The following GALNT16 variants were observed in gnomAD, a reference collection of about 807,000 sequenced individuals.
GALNT16 encodes polypeptide N-acetylgalactosaminyltransferase 16.
Under a neutral mutation model 76.1 loss-of-function variants are expected in GALNT16, and 40 were observed. The observed-to-expected ratio is 0.53, with a 90% CI of 0.41 to 0.68. The LOEUF is 0.68. Among genes scored for constraint, GALNT16 ranks in the 30% least tolerant of loss-of-function variants. The probability of loss-of-function intolerance (pLI) is 0.00; values close to 1 mark genes in which losing one functional copy is unlikely to be tolerated. For missense variants in GALNT16, 621 were observed against 731.9 expected (o/e 0.85, Z 1.75); for synonymous variants, 276 against 285.2 (o/e 0.97, Z 0.32).
At chr14:69,346,903 C>A in intron 12 of GALNT16, 137 bp from the exon 13 acceptor site, 1 of 961,920 alleles carries the variant, frequency 1.0e-6, no homozygotes, top group South Asian at 1.4e-5. Context: ...CCTCCCCCTG[C>A]TGGCCAGGCT....
At chr14:69,280,042 A>G (rs777224297) in intron 1 of GALNT16, among the ~76,000 whole-genome samples, 4 of 152,260 alleles carry the variant, frequency 2.6e-5, no homozygotes, top group Non-Finnish European at 5.9e-5. Context: ...TAAAATACAT[A>G]TAAGATAAAC....
Position 69,332,303 on chromosome 14 carries a change from C to A in GALNT16, c.778+752C>A, listed in dbSNP as rs373410838. On this transcript the variant is annotated intron_variant, in intron 7 of 14. Transcript: ENST00000448469. Reference sequence around the variant, plus strand: ...GCATTATATTTCTTTTGGACTGTGACGGGCTGTTCAGTACAGTAGATAATA... The same window carrying A: ...GCATTATATTTCTTTTGGACTGTGAAGGGCTGTTCAGTACAGTAGATAATA... 1.1e-4 allele frequency among the ~76,000 whole-genome samples: 16 copies of A among 152,232 alleles called. No homozygotes were observed. In the South Asian group the frequency reaches 3.3e-3, roughly 32 times the overall value.
At chr14:69,320,965 G>GA in intron 2 of GALNT16, 97 bp downstream of exon 2, 1 of 1,184,242 alleles carries the variant, frequency 8.4e-7, no homozygotes, top group Non-Finnish European at 1.2e-6. Flanking sequence ...AAATGAGGAT[G>GA]ATTTCCTCAG....
Position 69,353,024 on chromosome 14 carries a change from C to G in GALNT16, c.*856C>G, listed in dbSNP as rs1229752390. Among the ~76,000 whole-genome samples the G allele has an allele frequency of 6.6e-6, 1 of 152,172 alleles. No homozygotes were observed. The highest frequency in any genetic ancestry group is 2.4e-5 in the African/African-American group (1 of 41,436). ...TTGGCCATGTGTCAGGCTGAGACCT[C>G]TCTCTCGGGCATTAATGAACAGCTA... On this transcript the variant is annotated 3_prime_UTR_variant, in exon 15 of 15. Transcript: ENST00000448469.
In GALNT16 at chr14:69,353,137, A is replaced by G. The variant is rs2045659441; in HGVS notation, c.*969A>G. Among the ~76,000 whole-genome samples the G allele has an allele frequency of 6.6e-6, 1 of 151,672 alleles. No individual in the cohort carries two copies. Among genetic ancestry groups the G allele is most frequent in the Non-Finnish European group, 1.5e-5 (1 of 67,916 alleles). ...GTCCCAGCCTCATTTGTCATTTTTGACTCCTGCTTTCTCAAAGGTTTTTGC... is the reference window on the plus strand; with the variant it reads ...GTCCCAGCCTCATTTGTCATTTTTGGCTCCTGCTTTCTCAAAGGTTTTTGC... On this transcript the variant is annotated 3_prime_UTR_variant, in exon 15 of 15. Coordinates refer to ENST00000448469, the MANE Select transcript of GALNT16 (RefSeq NM_001168368.2).
chr14:69,347,193 G>A lies in GALNT16; in HGVS notation c.1413+12G>A, dbSNP rs200490419. On this transcript the variant is annotated intron_variant, in intron 13 of 14. Transcript: ENST00000448469. ...CGCAGCCCGCCCAGGTAAGGACCTC[G>A]GGTAGGAATGGGAGTGGGAGAGAGC... 277 of 1,594,220 alleles carry A rather than the reference G, an allele frequency of 1.7e-4. 2 individuals carry two copies. In the African/African-American group the frequency reaches 3.1e-3, roughly 18 times the overall value.
chr14:69,307,655 A>C (rs1594838985), intron 1 of GALNT16, among the ~76,000 whole-genome samples: 1 of 152,132 alleles, frequency 6.6e-6, no homozygotes, highest in Non-Finnish European at 1.5e-5. Context: ...TAGCTGGAGG[A>C]ACTTGACTGA....
intron 1 of GALNT16, among the ~76,000 whole-genome samples, chr14:69,284,573 A>T (rs1166875254): frequency 1.3e-5 from 2 of 152,216 alleles, no homozygotes; most frequent in Non-Finnish European, 2.9e-5. Context: ...TCGGTACAGG[A>T]ACCTCTTATT....
At chr14:69,351,016 C>T (rs940093109) in intron 14 of GALNT16, 10 of 152,408 alleles carry the variant, frequency 6.6e-5, no homozygotes, top group African/African-American at 2.2e-4. Context: ...AACCCGGGGT[C>T]GGGGAGGCAC....
intron 1 of GALNT16, among the ~76,000 whole-genome samples, chr14:69,312,173 C>G (rs147891444): frequency 2.5e-3 from 374 of 152,086 alleles, no homozygotes; most frequent in African/African-American, 8.6e-3. Context: ...ATCACTTGAG[C>G]CTAGGAGTTT....
At chr14:69,275,161 T>TG (rs2044456057) in intron 1 of GALNT16, among the ~76,000 whole-genome samples, 1 of 152,096 alleles carries the variant, frequency 6.6e-6, no homozygotes, top group African/African-American at 2.4e-5. Context: ...ATAGAGGGAC[T>TG]GGGGCAGAGT....
the GALNT16 span, among the ~76,000 whole-genome samples, chr14:69,382,304 ACT>A: frequency 2.6e-5 from 4 of 152,122 alleles, no homozygotes; most frequent in Admixed American, 1.3e-4. Flanking sequence ...TTTTCTGAAA[ACT>A]CTTTGTCCAT....
Position 69,292,747 on chromosome 14 carries a change from G to A in GALNT16, c.178-27964G>A, listed in dbSNP as rs373878035. Among the ~76,000 whole-genome samples, 48 of 152,312 alleles carry A rather than the reference G, an allele frequency of 3.2e-4. No individual in the cohort carries two copies. In the South Asian group the frequency reaches 9.9e-3, roughly 32 times the overall value. On this transcript the variant is annotated intron_variant, in intron 1 of 14. Coordinates refer to ENST00000448469, the MANE Select transcript of GALNT16 (RefSeq NM_001168368.2). ...ATCTTTTTCTCATTAGTCTAGTGAT[G>A]GTGGCTTCCCCCTACCAGTTTGATT... is the stretch of plus-strand genomic sequence containing the variant.
At chr14:69,264,055 C>G (rs1348514526) in intron 1 of GALNT16, among the ~76,000 whole-genome samples, 1 of 152,212 alleles carries the variant, frequency 6.6e-6, no homozygotes, top group Non-Finnish European at 1.5e-5. Context: ...TGGTTTGGGA[C>G]TTAGGTTTTC....
At chr14:69,318,337 C>T (rs1333557637) in intron 1 of GALNT16, among the ~76,000 whole-genome samples, 3 of 152,240 alleles carry the variant, frequency 2.0e-5, no homozygotes, top group African/African-American at 7.2e-5. Context: ...CCTGAGCAGA[C>T]ATTCTTCCCC....
chr14:69,283,171 A>AGCATGATT (rs1200938292), intron 1 of GALNT16, among the ~76,000 whole-genome samples: 1 of 152,216 alleles, frequency 6.6e-6, no homozygotes, highest in Non-Finnish European at 1.5e-5. Flanking sequence ...CAATAAAATG[A>AGCATGATT]GCATGATTAA....
chr14:69,299,903 C>A (rs1047069265), intron 1 of GALNT16, among the ~76,000 whole-genome samples: 3 of 152,158 alleles, frequency 2.0e-5, no homozygotes, highest in Non-Finnish European at 4.4e-5. Context: ...TTCTAAGACA[C>A]CAAGGTGTCC....
At chr14:69,280,602 T>A (rs2044528102) in intron 1 of GALNT16, among the ~76,000 whole-genome samples, 1 of 152,160 alleles carries the variant, frequency 6.6e-6, no homozygotes, top group Non-Finnish European at 1.5e-5. Flanking sequence ...TATTTTTAAT[T>A]TTTTGAGGAA....
chr14:69,369,153 T>C, the GALNT16 span, among the ~76,000 whole-genome samples: 1 of 152,090 alleles, frequency 6.6e-6, no homozygotes, highest in Non-Finnish European at 1.5e-5. Context: ...TTGCAGATGA[T>C]AACTGATGAG....
Sources: gnomAD v4.1 joint callset for allele counts (sites outside exome capture counted in the v4.1 genomes callset) on GRCh38, gnomAD v4.1.1 for gene constraint, MANE v1.5 for transcripts, NCBI Gene and HGNC (gene_info 2026-07-23, HGNC 2026-07-21) for gene names.